The following GRK3 variants were observed in gnomAD, a reference collection of about 807,000 sequenced individuals.
The protein encoded by GRK3 is G protein-coupled receptor kinase 3.
In GRK3, 54 loss-of-function variants were observed where a neutral mutation model predicts 95.7. The ratio of observed to expected loss-of-function variants is 0.56; its 90% CI spans 0.45 to 0.71. The LOEUF (loss-of-function observed/expected upper bound fraction) is 0.71. Ranked by LOEUF, GRK3 falls within the 30% of genes least tolerant of loss-of-function variation. The probability of loss-of-function intolerance (pLI) is 0.00; values close to 1 mark genes in which losing one functional copy is unlikely to be tolerated. For synonymous variants in GRK3, 281 were observed against 290.8 expected (o/e 0.97, Z 0.34); for missense variants, 649 against 851.2 (o/e 0.76, Z 2.96).
intron 1 of GRK3, among the ~76,000 whole-genome samples, chr22:25,598,131 G>A (rs2084384743): frequency 1.3e-5 from 2 of 152,258 alleles, no homozygotes; most frequent in South Asian, 2.1e-4. Context: ...GAACATGTAG[G>A]AATAAAGCAT....
At chr22:25,639,551 G>A (rs772089681) in intron 2 of GRK3, among the ~76,000 whole-genome samples, 1 of 152,150 alleles carries the variant, frequency 6.6e-6, no homozygotes, top group Admixed American at 6.5e-5. Flanking sequence ...CTAATGTATT[G>A]ATTAAGATTA....
intron 2 of GRK3, among the ~76,000 whole-genome samples, chr22:25,615,029 G>T (rs568852746): frequency 6.6e-6 from 1 of 152,106 alleles, no homozygotes; most frequent in Non-Finnish European, 1.5e-5. Flanking sequence ...GTTTACTATC[G>T]CCAAGCAGCC....
In GRK3 at chr22:25,627,736, C is replaced by G. The variant is rs573187281; in HGVS notation, c.191-16856C>G. ...GTCAGGGAGACAAATGAGGAACCAGCTGCTACTTATTGAACTAGGAAGAGA... is the reference window on the plus strand; with the variant it reads ...GTCAGGGAGACAAATGAGGAACCAGGTGCTACTTATTGAACTAGGAAGAGA... On this transcript the variant is annotated intron_variant, in intron 2 of 20. Transcript: ENST00000324198. Among the ~76,000 whole-genome samples the G allele has an allele frequency of 8.3e-4, 127 of 152,360 alleles. 1 individual carries two copies. The highest frequency in any genetic ancestry group is 1.3e-3 in the Non-Finnish European group (87 of 68,044).
In GRK3 at chr22:25,706,461, C is replaced by G. The variant is rs557496883; in HGVS notation, c.1328+2252C>G. On this transcript the variant is annotated intron_variant, in intron 15 of 20. Coordinates refer to ENST00000324198, the MANE Select transcript of GRK3 (RefSeq NM_005160.4). ...GTCAGTCACTGCCCCTGTGTCAGCA[C>G]CCCCTCTTGTCTGCTGATGGCCCTC... Among the ~76,000 whole-genome samples the G allele has an allele frequency of 5.9e-5, 9 of 152,260 alleles. No homozygotes were observed. In the South Asian group the frequency reaches 1.9e-3, roughly 32 times the overall value.
intron 18 of GRK3, 53 bp downstream of exon 18, chr22:25,714,623 T>C (rs2085369092): frequency 2.0e-6 from 3 of 1,491,346 alleles, no homozygotes; most frequent in Non-Finnish European, 9.0e-7. Context: ...ATTTTCAAAA[T>C]TTCTTGTAAA....
rs111316556 is a variant in GRK3, at chr22:25,700,272, G to A, written c.1161-3238G>A. 6.2e-3 allele frequency among the ~76,000 whole-genome samples: 945 copies of A among 152,306 alleles called. 15 individuals are homozygous for A. Among genetic ancestry groups the A allele is most frequent in the African/African-American group, 0.021 (867 of 41,568 alleles). Reference sequence around the variant, plus strand: ...ATGACTTTGTCAGATACTTAAGAGCGTCTGTGTAGGAAGATGCATCCATGT... The same window carrying A: ...ATGACTTTGTCAGATACTTAAGAGCATCTGTGTAGGAAGATGCATCCATGT... On this transcript the variant is annotated intron_variant, in intron 13 of 20. Transcript: ENST00000324198.
chr22:25,662,510 A>G (rs117722865), intron 4 of GRK3, among the ~76,000 whole-genome samples: 2,396 of 152,266 alleles, frequency 0.016, 30 homozygotes, highest in Middle Eastern at 0.065. Flanking sequence ...AGCACTGGTC[A>G]TGGTATTGGT....
intron 15 of GRK3, among the ~76,000 whole-genome samples, chr22:25,707,101 A>C (rs1340345816): frequency 1.3e-5 from 2 of 151,978 alleles, no homozygotes; most frequent in Non-Finnish European, 2.9e-5. Flanking sequence ...GATTACAGGC[A>C]TGGGCTACCA....
intron 2 of GRK3, among the ~76,000 whole-genome samples, chr22:25,626,792 G>A (rs2084631413): frequency 6.6e-6 from 1 of 152,196 alleles, no homozygotes; most frequent in African/African-American, 2.4e-5. Flanking sequence ...TTTGAAGATC[G>A]GTGCACAGTC....
intron 2 of GRK3, among the ~76,000 whole-genome samples, chr22:25,633,527 G>A (rs760056931): frequency 6.6e-6 from 1 of 151,754 alleles, no homozygotes; most frequent in African/African-American, 2.4e-5. Context: ...CACATATCTG[G>A]TTAGATTTAT....
intron 3 of GRK3, chr22:25,647,257 T>C: frequency 1.1e-6 from 1 of 870,140 alleles, no homozygotes; most frequent in Non-Finnish European, 1.7e-6. Flanking sequence ...AGGACAGATT[T>C]GATAATGGGC....
At chr22:25,679,897 C>T (rs2085061992) in intron 9 of GRK3, among the ~76,000 whole-genome samples, 1 of 152,122 alleles carries the variant, frequency 6.6e-6, no homozygotes. Context: ...AAGGTCTTCA[C>T]CAAAAGGATC....
Position 25,648,139 on chromosome 22 carries a change from A to G in GRK3, c.264+3474A>G, listed in dbSNP as rs2084800134. 10 of 633,812 alleles carry G rather than the reference A, an allele frequency of 1.6e-5. No individual in the cohort carries two copies. In the South Asian group the frequency reaches 1.6e-4, roughly 10 times the overall value. The allele number at this position is 633,812 out of a possible 1,614,324, so 39.3% of individuals were successfully genotyped here. A position where few individuals can be genotyped will look rare whatever the true frequency, so the allele number is the denominator to read the frequency against. The stretch of plus-strand genomic sequence containing the variant: ...TCTAAAAAACAAATAAGCAAACAGA[A>G]CAAAACAAAACAAAAACGAGAGAGC... On this transcript the variant is annotated intron_variant, in intron 3 of 20. Transcript: ENST00000324198.
chr22:25,619,347 C>T (rs1044567499), intron 2 of GRK3, among the ~76,000 whole-genome samples: 1 of 152,124 alleles, frequency 6.6e-6, no homozygotes, highest in Non-Finnish European at 1.5e-5. Context: ...TTCTTGGCCC[C>T]CTTTTACAGG....
At position 25,725,223 on chromosome 22, in the gene GRK3, C is replaced by A. The variant is rs2085464557; in HGVS notation, c.*2773C>A. 1 of 215,424 alleles carries A rather than the reference C, an allele frequency of 4.6e-6. No individual in the cohort carries two copies. The highest frequency in any genetic ancestry group is 1.8e-4 in the South Asian group (1 of 5,426). 13.3% of individuals were successfully genotyped at this position (215,424 alleles called of 1,614,324 possible). ...ATTACACTCCAACTATTAAAAAGGT[C>A]AAAATTCAGCCTATTTTTTTTCATT... On this transcript the variant is annotated 3_prime_UTR_variant, in exon 21 of 21. Transcript: ENST00000324198.
intron 17 of GRK3, among the ~76,000 whole-genome samples, chr22:25,713,640 G>A (rs193124289): frequency 8.4e-4 from 128 of 152,306 alleles, no homozygotes; most frequent in Middle Eastern, 3.4e-3. Context: ...TTACCAGCAG[G>A]CTTGCTAGTA....
At chr22:25,655,122 A>C (rs1285161177) in intron 3 of GRK3, among the ~76,000 whole-genome samples, 5 of 152,008 alleles carry the variant, frequency 3.3e-5, no homozygotes, top group Non-Finnish European at 7.4e-5. Flanking sequence ...ATCTCTAGAA[A>C]ACTCTTGTCA....
chr22:25,662,807 A>C (rs16980526), intron 4 of GRK3, among the ~76,000 whole-genome samples: 12,714 of 152,174 alleles, frequency 0.084, 615 homozygotes, highest in Middle Eastern at 0.15. Context: ...GTTTATTCGT[A>C]TGATGGTACT....
intron 1 of GRK3, among the ~76,000 whole-genome samples, chr22:25,575,644 C>A (rs1419810583): frequency 2.6e-5 from 4 of 152,142 alleles, no homozygotes; most frequent in East Asian, 1.9e-4. Flanking sequence ...TTTAAAAAAA[C>A]CCCACTAAGA....
Sources: allele counts gnomAD v4.1 joint callset (sites outside exome capture counted in the v4.1 genomes callset), GRCh38; gene constraint gnomAD v4.1.1; transcripts MANE v1.5; gene names NCBI Gene and HGNC (gene_info 2026-07-23, HGNC 2026-07-21).